RALGPS2: variants seen among roughly 807,000 people sequenced by gnomAD.
The protein encoded by RALGPS2 is ras-specific guanine nucleotide-releasing factor RalGPS2.
In RALGPS2, 43 loss-of-function variants were observed where a neutral mutation model predicts 86.8. That is an observed-to-expected ratio of 0.50 (90% CI 0.39 to 0.64). The LOEUF (loss-of-function observed/expected upper bound fraction) is 0.64. Among genes scored for constraint, RALGPS2 ranks in the 30% least tolerant of loss-of-function variants. RALGPS2 has a pLI of 0.00. For missense variants in RALGPS2, 536 were observed against 694.6 expected, an observed-to-expected ratio of 0.77 and a Z score of 2.57; for synonymous variants, 243 against 231.3, an observed-to-expected ratio of 1.05 and a Z score of -0.46.
At chr1:178,855,842 C>T (rs1417810428) in intron 8 of RALGPS2, among the ~76,000 whole-genome samples, 1 of 151,242 alleles carries the variant, frequency 6.6e-6, no homozygotes, top group South Asian at 2.1e-4. Flanking sequence ...TAACTAGACA[C>T]ATCACAGGAA....
rs1449937750 is a variant in RALGPS2, at chr1:178,897,793, C to T, written c.1524+37C>T. On this transcript the variant is annotated intron_variant, in intron 17 of 19. Coordinates refer to ENST00000367635, the MANE Select transcript of RALGPS2 (RefSeq NM_152663.5). ...TTCTCTACATTTTTAGCGTGGTTTCCCAGACTGTTCATGGTTATAAAGAAA... is the reference window on the plus strand; with the variant it reads ...TTCTCTACATTTTTAGCGTGGTTTCTCAGACTGTTCATGGTTATAAAGAAA... The T allele has an allele frequency of 1.9e-6, 3 of 1,552,608 alleles. No homozygotes were observed. The Admixed American group carries it at 5.1e-5, about 26-fold the overall frequency.
intron 2 of RALGPS2, among the ~76,000 whole-genome samples, chr1:178,782,708 A>G (rs1015117946): frequency 6.6e-6 from 1 of 151,998 alleles, no homozygotes; most frequent in African/African-American, 2.4e-5. Flanking sequence ...CTCCTGTATA[A>G]TACTAAGATT....
At chr1:178,911,516 T>C (rs989651615) in intron 19 of RALGPS2, among the ~76,000 whole-genome samples, 2 of 152,208 alleles carry the variant, frequency 1.3e-5, no homozygotes, top group Non-Finnish European at 2.9e-5. Flanking sequence ...TATAATTGTG[T>C]GGTTTTGAGA....
intron 8 of RALGPS2, chr1:178,869,341 T>C (rs528837539): frequency 3.5e-4 from 53 of 152,244 alleles, no homozygotes; most frequent in Middle Eastern, 3.4e-3. Flanking sequence ...AAGTTAAATT[T>C]ATGAAGCATT....
chr1:178,755,522 T>C (rs529224235), intron 1 of RALGPS2, among the ~76,000 whole-genome samples: 46 of 152,330 alleles, frequency 3.0e-4, no homozygotes, highest in Non-Finnish European at 5.7e-4. Flanking sequence ...ATGATTTCAT[T>C]CTTTTTTTAT....
chr1:178,876,221 A>G (rs1182722740), intron 8 of RALGPS2, among the ~76,000 whole-genome samples: 1 of 152,060 alleles, frequency 6.6e-6, no homozygotes, highest in African/African-American at 2.4e-5. Flanking sequence ...TATAAATGTA[A>G]AAAAAATAAG....
chr1:178,781,233 A>G (rs1444968216), intron 2 of RALGPS2, among the ~76,000 whole-genome samples: 1 of 152,152 alleles, frequency 6.6e-6, no homozygotes, highest in East Asian at 1.9e-4. Flanking sequence ...CTGCCCTTTA[A>G]ATTGTCCATT....
chr1:178,813,683 A>G (rs893475086), intron 6 of RALGPS2, among the ~76,000 whole-genome samples: 1 of 152,218 alleles, frequency 6.6e-6, no homozygotes, highest in Non-Finnish European at 1.5e-5. Flanking sequence ...ACTGGCAAGT[A>G]TGAAATCTGT....
At chr1:178,883,313 A>AT (rs140730662) in intron 10 of RALGPS2, among the ~76,000 whole-genome samples, 153 bp from the exon 11 acceptor site, 6,059 of 152,228 alleles carry the variant, frequency 0.04, 165 homozygotes, top group African/African-American at 0.068. Flanking sequence ...CCTGTCTCTT[A>AT]AAAAGAAGAA....
intron 19 of RALGPS2, among the ~76,000 whole-genome samples, chr1:178,910,770 T>G (rs1276324624): frequency 6.6e-6 from 1 of 152,202 alleles, no homozygotes; most frequent in Non-Finnish European, 1.5e-5. Flanking sequence ...TGATGTTGGC[T>G]TCATGGAATG....
chr1:178,831,240 C>G (rs996321308), intron 7 of RALGPS2, among the ~76,000 whole-genome samples: 1 of 152,246 alleles, frequency 6.6e-6, no homozygotes, highest in Non-Finnish European at 1.5e-5. Context: ...TTTAACAAAG[C>G]CATACCAGGC....
chr1:178,824,904 C>T (rs1012268723), intron 7 of RALGPS2, among the ~76,000 whole-genome samples: 5 of 152,058 alleles, frequency 3.3e-5, no homozygotes, highest in Non-Finnish European at 7.4e-5. Flanking sequence ...TGGTAGATTT[C>T]GTGGTGGGAT....
chr1:178,906,011 G>A (rs1187276045), intron 18 of RALGPS2, among the ~76,000 whole-genome samples: 1 of 152,140 alleles, frequency 6.6e-6, no homozygotes, highest in Admixed American at 6.5e-5. Flanking sequence ...TAATTATACT[G>A]AATAGCTAGT....
chr1:178,857,146 T>A (rs1657642259), intron 8 of RALGPS2, among the ~76,000 whole-genome samples: 1 of 152,176 alleles, frequency 6.6e-6, no homozygotes, highest in African/African-American at 2.4e-5. Flanking sequence ...GAAGGAAAAG[T>A]AAATTATGAC....
In RALGPS2 at chr1:178,889,047, C is replaced by T. The variant is rs1194889074; in HGVS notation, c.1193-595C>T. On this transcript the variant is annotated intron_variant, in intron 13 of 19. Coordinates refer to ENST00000367635, the MANE Select transcript of RALGPS2 (RefSeq NM_152663.5). ...CATAGTTTTTTTGTTGGTTTTTTTT[C>T]CCCCTAGCTAATTGTAAACGTTCTG... Among the ~76,000 whole-genome samples the T allele has an allele frequency of 5.9e-5, 9 of 151,622 alleles. No individual in the cohort carries two copies. In the East Asian group the frequency reaches 1.4e-3, roughly 23 times the overall value.
chr1:178,830,396 A>G (rs947969720), intron 7 of RALGPS2, among the ~76,000 whole-genome samples: 6 of 152,186 alleles, frequency 3.9e-5, no homozygotes, highest in African/African-American at 1.2e-4. Context: ...CCAATGAAAC[A>G]GAATGAAGAA....
intron 1 of RALGPS2, 126 bp downstream of exon 1, chr1:178,725,545 G>A (rs975080450): frequency 3.3e-5 from 5 of 152,298 alleles, no homozygotes; most frequent in Admixed American, 2.6e-4. Flanking sequence ...CCCGGCCGCG[G>A]GCCCCGGGGC....
At chr1:178,767,805 G>A (rs1033332375) in intron 1 of RALGPS2, among the ~76,000 whole-genome samples, 3 of 152,172 alleles carry the variant, frequency 2.0e-5, no homozygotes, top group African/African-American at 7.2e-5. Context: ...TAGGATCACT[G>A]GACTAGAAGC....
At chr1:178,837,949 A>G (rs1322199016) in intron 8 of RALGPS2, among the ~76,000 whole-genome samples, 3 of 152,030 alleles carry the variant, frequency 2.0e-5, no homozygotes, top group African/African-American at 7.3e-5. Context: ...GCCATCTGAG[A>G]TCGAATTGCA....
Sources: allele counts gnomAD v4.1 joint callset (sites outside exome capture counted in the v4.1 genomes callset), GRCh38; gene constraint gnomAD v4.1.1; transcripts MANE v1.5; gene names NCBI Gene and HGNC (gene_info 2026-07-23, HGNC 2026-07-21).